Variants in ATE1 observed in about 807,000 individuals in gnomAD.
ATE1 encodes arginyltransferase 1.
ATE1 carries 36 observed loss-of-function variants against 70.5 expected under a neutral mutation model. The ratio of observed to expected loss-of-function variants is 0.51; its 90% CI spans 0.39 to 0.67. The LOEUF (loss-of-function observed/expected upper bound fraction) is 0.67. ATE1 is among the 30% of genes least tolerant of loss of function. The pLI, the probability that ATE1 is intolerant of heterozygous loss-of-function variation, is 0.00. For synonymous variants in ATE1, 232 were observed against 219.3 expected (o/e 1.06, Z -0.51); for missense variants, 593 against 629.5 (o/e 0.94, Z 0.62).
At chr10:121,873,501 A>G (rs1046227220) in intron 7 of ATE1, among the ~76,000 whole-genome samples, 3 of 152,098 alleles carry the variant, frequency 2.0e-5, no homozygotes, top group Non-Finnish European at 4.4e-5. Context: ...AGAAGCACTT[A>G]ATGCTTACCA....
At chr10:121,799,320 C>CTG (rs1946783251) in intron 10 of ATE1, among the ~76,000 whole-genome samples, 1 of 152,122 alleles carries the variant, frequency 6.6e-6, no homozygotes, top group Non-Finnish European at 1.5e-5. Context: ...TGTCAACAAG[C>CTG]TGTGGTAGAA....
chr10:121,927,920 G>A lies in ATE1; in HGVS notation c.30C>T (p.Ser10=), dbSNP rs1306709840. Residue 10 remains serine, a synonymous_variant, in exon 1 of 12, where the codon AGC becomes AGT. Transcript: ENST00000224652. ...CCTCGCTAGGGAAATAGTCCACGAC[G>A]CTGGGCGAACCCCCCGCCCAGAAAG... MAFWAGGSP[S]VVDYFPSEDF... 1 of 1,582,490 alleles carries A rather than the reference G, an allele frequency of 6.3e-7. No homozygotes were observed. The highest frequency in any genetic ancestry group is 1.1e-5 in the South Asian group (1 of 87,160).
At chr10:121,750,428 C>T (rs905153104) in intron 11 of ATE1, among the ~76,000 whole-genome samples, 1 of 152,226 alleles carries the variant, frequency 6.6e-6, no homozygotes, top group Non-Finnish European at 1.5e-5. Context: ...GGCAATCCTG[C>T]AAACTCTCTT....
In ATE1 at chr10:121,742,883, TTAG is replaced by T. The variant is rs1487977253; in HGVS notation, c.*794_*796del. The T allele has an allele frequency of 6.6e-6, 1 of 152,212 alleles. No individual in the cohort carries two copies. Among genetic ancestry groups the T allele is most frequent in the Non-Finnish European group, 1.5e-5 (1 of 68,042 alleles). The allele number at this position is 152,212 out of a possible 1,614,324, so 9.4% of individuals were successfully genotyped here. On this transcript the variant is annotated 3_prime_UTR_variant, in exon 12 of 12. Coordinates refer to ENST00000224652, the MANE Select transcript of ATE1 (RefSeq NM_001001976.3). ...ACTATTTATTTCCTTTGGATGAGAC[TTAG>T]ATCAAGGCAGGAACCAACATTTTTC...
At chr10:121,825,680 T>C (rs150666222) in intron 10 of ATE1, among the ~76,000 whole-genome samples, 17 of 152,136 alleles carry the variant, frequency 1.1e-4, no homozygotes, top group African/African-American at 3.9e-4. Flanking sequence ...GCCCAGAAAA[T>C]AACAAGTGCT....
chr10:121,792,581 T>C lies in ATE1; in HGVS notation c.1258-2292A>G, dbSNP rs77423404. On this transcript the variant is annotated intron_variant, in intron 10 of 11. Coordinates refer to ENST00000224652, the MANE Select transcript of ATE1 (RefSeq NM_001001976.3). The stretch of plus-strand genomic sequence containing the variant: ...ATCTAATAATATTCAAACACAGAAT[T>C]AGGAATGAATTGAGGATTTACTTAG... 3.2e-3 allele frequency among the ~76,000 whole-genome samples: 484 copies of C among 152,230 alleles called. 7 individuals are homozygous for C. Among genetic ancestry groups the C allele is most frequent in the African/African-American group, 0.011 (450 of 41,540 alleles).
intron 11 of ATE1, among the ~76,000 whole-genome samples, chr10:121,758,981 CACA>C (rs1447964722): frequency 1.3e-5 from 2 of 152,050 alleles, no homozygotes; most frequent in Admixed American, 6.6e-5. Flanking sequence ...TTTCCTGAAA[CACA>C]ACAATATTGA....
chr10:121,863,603 A>G (rs946612604), intron 8 of ATE1, among the ~76,000 whole-genome samples: 1 of 151,762 alleles, frequency 6.6e-6, no homozygotes, highest in South Asian at 2.1e-4. Flanking sequence ...AAAATTCTTA[A>G]GTTTTTTTTT....
intron 11 of ATE1, among the ~76,000 whole-genome samples, chr10:121,750,533 A>AT (rs202228830): frequency 6.6e-6 from 1 of 151,898 alleles, no homozygotes; most frequent in Non-Finnish European, 1.5e-5. Flanking sequence ...CAACTACTTG[A>AT]TTTTTTCCCC....
chr10:121,755,743 G>A (rs761345782), intron 11 of ATE1, among the ~76,000 whole-genome samples: 55 of 152,114 alleles, frequency 3.6e-4, no homozygotes, highest in Non-Finnish European at 3.1e-4. Flanking sequence ...CAGACCTCAT[G>A]AGACCCATTC....
chr10:121,919,206 G>A (rs1008614432), intron 3 of ATE1, among the ~76,000 whole-genome samples: 9 of 152,040 alleles, frequency 5.9e-5, no homozygotes, highest in Admixed American at 1.3e-4. Context: ...TTGGGTCTGC[G>A]TCACATTTAA....
chr10:121,862,638 T>C (rs764160792), intron 8 of ATE1, among the ~76,000 whole-genome samples: 1 of 144,794 alleles, frequency 6.9e-6, no homozygotes, highest in African/African-American at 2.6e-5. Flanking sequence ...CCTCCCAAAG[T>C]GCTGAGATTA....
intron 10 of ATE1, among the ~76,000 whole-genome samples, chr10:121,834,165 TCCTCAGAGAGGACC>T (rs1283791902): frequency 1.3e-5 from 2 of 152,172 alleles, no homozygotes; most frequent in African/African-American, 4.8e-5. Context: ...TAAACATTTG[TCCTCAGAGAGGACC>T]CTCTGACTAC....
chr10:121,777,343 C>T (rs1189811169), intron 11 of ATE1, among the ~76,000 whole-genome samples: 1 of 152,120 alleles, frequency 6.6e-6, no homozygotes, highest in African/African-American at 2.4e-5. Flanking sequence ...AATCAGAAAA[C>T]GTCATGAGCA....
chr10:121,836,254 G>A (rs1948428020), intron 10 of ATE1, among the ~76,000 whole-genome samples: 1 of 152,068 alleles, frequency 6.6e-6, no homozygotes, highest in South Asian at 2.1e-4. Flanking sequence ...GATGTAAAAT[G>A]CCCCTAATCT....
At chr10:121,925,035 T>C (rs1428269479) in intron 1 of ATE1, among the ~76,000 whole-genome samples, 4 of 152,242 alleles carry the variant, frequency 2.6e-5, no homozygotes, top group Non-Finnish European at 5.9e-5. Flanking sequence ...TTAGTTCTCC[T>C]GATTTATATA....
At chr10:121,859,417 C>T (rs1200558696) in intron 8 of ATE1, among the ~76,000 whole-genome samples, 2 of 151,504 alleles carry the variant, frequency 1.3e-5, no homozygotes, top group Non-Finnish European at 2.9e-5. Flanking sequence ...CCACTACGCC[C>T]GGCTAATTTT....
intron 8 of ATE1, among the ~76,000 whole-genome samples, chr10:121,849,688 T>C (rs1453572599): frequency 6.6e-6 from 1 of 152,244 alleles, no homozygotes. Context: ...TGGTTAATAA[T>C]GATCTGCTCT....
In ATE1 at chr10:121,756,231, G is replaced by A. The variant is rs111610524; in HGVS notation, c.1379-12373C>T. ...TCCTTTGACTCCATGCCTCGCATCCGGGTCACTCTGATACAAGAGGTGGGT... is the reference window on the plus strand; with the variant it reads ...TCCTTTGACTCCATGCCTCGCATCCAGGTCACTCTGATACAAGAGGTGGGT... On this transcript the variant is annotated intron_variant, in intron 11 of 11. Coordinates refer to ENST00000224652, the MANE Select transcript of ATE1 (RefSeq NM_001001976.3). Among the ~76,000 whole-genome samples, 57 of 152,302 alleles carry A rather than the reference G, an allele frequency of 3.7e-4. 2 individuals are homozygous for A. In the East Asian group the frequency reaches 6.2e-3, roughly 16 times the overall value.
Sources: allele counts gnomAD v4.1 joint callset (sites outside exome capture counted in the v4.1 genomes callset), GRCh38; gene constraint gnomAD v4.1.1; transcripts MANE v1.5; gene names NCBI Gene and HGNC (gene_info 2026-07-23, HGNC 2026-07-21).